LARP4: variants seen among roughly 807,000 people sequenced by gnomAD.
LARP4 encodes the protein la-related protein 4.
Under a neutral mutation model 92.9 loss-of-function variants are expected in LARP4, and 29 were observed. That is an observed-to-expected ratio of 0.31 (90% CI 0.23 to 0.43). The LOEUF is 0.43. Ranked by LOEUF, LARP4 falls within the 20% of genes least tolerant of loss-of-function variation. The pLI, the probability that LARP4 is intolerant of heterozygous loss-of-function variation, is 1.00. For missense variants in LARP4, 732 were observed against 860.0 expected, an observed-to-expected ratio of 0.85 and a Z score of 1.86; for synonymous variants, 279 against 284.1, an observed-to-expected ratio of 0.98 and a Z score of 0.18.
chr12:50,474,215 A>T (rs777914084), intron 15 of LARP4, 48 bp downstream of exon 15: 64 of 1,177,580 alleles, frequency 5.4e-5, no homozygotes, highest in Non-Finnish European at 6.6e-5. Flanking sequence ...AATAGATTAG[A>T]TTTTTTTTTT....
At chr12:50,460,222 T>C (rs1955128433) in intron 10 of LARP4, among the ~76,000 whole-genome samples, 1 of 152,068 alleles carries the variant, frequency 6.6e-6, no homozygotes, top group Non-Finnish European at 1.5e-5. Flanking sequence ...CGAGAGTGCC[T>C]CCAGTGACAT....
At chr12:50,436,121 A>T (rs201188350) in intron 5 of LARP4, among the ~76,000 whole-genome samples, 91 of 57,050 alleles carry the variant, frequency 1.6e-3, no homozygotes, top group Admixed American at 4.8e-3. Flanking sequence ...TGTGTGTGTG[A>T]TATGTGTGTG....
intron 13 of LARP4, among the ~76,000 whole-genome samples, chr12:50,469,307 T>A (rs1350860066): frequency 1.3e-5 from 2 of 152,060 alleles, no homozygotes; most frequent in Admixed American, 1.3e-4. Flanking sequence ...CTAAAAATTA[T>A]TTTTTAAAAA....
intron 1 of LARP4, among the ~76,000 whole-genome samples, chr12:50,424,296 G>A (rs942614192): frequency 9.9e-5 from 15 of 152,088 alleles, no homozygotes; most frequent in Admixed American, 2.0e-4. Flanking sequence ...TTTGAACCCC[G>A]GAGTTTGAGG....
chr12:50,442,322 C>G (rs1451685836), intron 8 of LARP4, among the ~76,000 whole-genome samples: 1 of 152,200 alleles, frequency 6.6e-6, no homozygotes, highest in Non-Finnish European at 1.5e-5. Context: ...ATCAATACAA[C>G]CATTTGGAAA....
chr12:50,422,994 ATG>A (rs1948091162), intron 1 of LARP4, among the ~76,000 whole-genome samples: 1 of 151,350 alleles, frequency 6.6e-6, no homozygotes, highest in Non-Finnish European at 1.5e-5. Context: ...ATTTTTTTGT[ATG>A]TTTAGTAGCG....
intron 11 of LARP4, 103 bp from the exon 12 acceptor site, chr12:50,462,476 CAAA>C: frequency 1.5e-4 from 70 of 465,668 alleles, no homozygotes; most frequent in South Asian, 3.4e-4. Flanking sequence ...GACTCCATCT[CAAA>C]AAAAAAAAAA....
At chr12:50,462,554 C>A in intron 11 of LARP4, 28 bp from the exon 12 acceptor site, 7 of 1,320,242 alleles carry the variant, frequency 5.3e-6, no homozygotes, top group South Asian at 1.3e-5. Flanking sequence ...TCCACCCCAC[C>A]CCACCCCCAC....
chr12:50,416,157 G>T (rs1249775301), intron 1 of LARP4, among the ~76,000 whole-genome samples: 1 of 152,204 alleles, frequency 6.6e-6, no homozygotes, highest in Admixed American at 6.5e-5. Flanking sequence ...TTTAAGTGGA[G>T]GTAATAGTTG....
chr12:50,456,213 A>G (rs1954214735), intron 10 of LARP4, among the ~76,000 whole-genome samples: 1 of 152,216 alleles, frequency 6.6e-6, no homozygotes, highest in Non-Finnish European at 1.5e-5. Context: ...GCCAGGAATG[A>G]CAGTCAAGTT....
At chr12:50,447,474 C>T (rs1429072405) in intron 8 of LARP4, among the ~76,000 whole-genome samples, 1 of 151,982 alleles carries the variant, frequency 6.6e-6, no homozygotes, top group Non-Finnish European at 1.5e-5. Flanking sequence ...CATTTTTTTC[C>T]TTTTTAAAAG....
chr12:50,429,862 C>G (rs1592999628), intron 3 of LARP4, among the ~76,000 whole-genome samples: 1 of 152,176 alleles, frequency 6.6e-6, no homozygotes, highest in African/African-American at 2.4e-5. Context: ...TGGTCTCAAA[C>G]TCCTGACCTC....
At chr12:50,406,494 A>T (rs1244961194) in intron 1 of LARP4, among the ~76,000 whole-genome samples, 3 of 152,020 alleles carry the variant, frequency 2.0e-5, no homozygotes, top group African/African-American at 7.3e-5. Flanking sequence ...AAATTTTTTT[A>T]AATTATTATT....
intron 5 of LARP4, among the ~76,000 whole-genome samples, 194 bp downstream of exon 5, chr12:50,435,818 A>C (rs572361469): frequency 1.5e-4 from 23 of 151,278 alleles, no homozygotes; most frequent in African/African-American, 5.1e-4. Context: ...TCTGTCACTC[A>C]AGCGGGAGTG....
At chr12:50,428,383 A>G (rs1224259144) in intron 2 of LARP4, among the ~76,000 whole-genome samples, 1 of 152,074 alleles carries the variant, frequency 6.6e-6, no homozygotes. Flanking sequence ...TCTTCCTTTA[A>G]ACATACTGCA....
chr12:50,426,713 GTGTGTGTGTGTGTGTGTGGT>G (rs1489805738), intron 1 of LARP4, among the ~76,000 whole-genome samples: 20 of 136,744 alleles, frequency 1.5e-4, no homozygotes, highest in African/African-American at 5.2e-4. Context: ...GTGTGTGTGT[GTGTGTGTGTGTGTGTGTGGT>G]TTTTTTTTTT....
At chr12:50,405,669 TTAAAAC>T (rs1372913096) in intron 1 of LARP4, among the ~76,000 whole-genome samples, 3 of 151,992 alleles carry the variant, frequency 2.0e-5, no homozygotes, top group South Asian at 4.2e-4. Context: ...ATAAAAAAAA[TTAAAAC>T]TAGAGACTGG....
chr12:50,404,250 A>G (rs1944390001), intron 1 of LARP4, among the ~76,000 whole-genome samples: 2 of 152,178 alleles, frequency 1.3e-5, no homozygotes, highest in South Asian at 2.1e-4. Context: ...TAAGGCACAT[A>G]TAATTTAAAC....
chr12:50,458,371 G>A (rs1486840852), intron 10 of LARP4, among the ~76,000 whole-genome samples: 1 of 151,858 alleles, frequency 6.6e-6, no homozygotes, highest in Non-Finnish European at 1.5e-5. Flanking sequence ...ACCTCGTGAT[G>A]CACCCGCCTT....
Sources: gnomAD v4.1 joint callset for allele counts (sites outside exome capture counted in the v4.1 genomes callset) on GRCh38, gnomAD v4.1.1 for gene constraint, MANE v1.5 for transcripts, NCBI Gene and HGNC (gene_info 2026-07-23, HGNC 2026-07-21) for gene names.